GABRA2: variants seen among roughly 807,000 people sequenced by gnomAD.
GABRA2 encodes gamma-aminobutyric acid receptor subunit alpha-2.
Under a neutral mutation model 48.7 loss-of-function variants are expected in GABRA2, and 16 were observed. The observed-to-expected ratio is 0.33, with a 90% confidence interval of 0.22 to 0.50. The LOEUF is 0.50. GABRA2 is among the 20% of genes least tolerant of loss of function. GABRA2 has a pLI of 0.98. For synonymous variants in GABRA2, 185 were observed against 184.5 expected (o/e 1.00, Z -0.02); for missense variants, 275 against 535.6 (o/e 0.51, Z 4.80).
chr4:46,244,870 T>C lies in GABRA2; in HGVS notation c.*5438A>G, dbSNP rs2109353364. On this transcript the variant is annotated 3_prime_UTR_variant, in exon 10 of 10. Transcript: ENST00000381620. ...AAAACGGGTATTGCTTACTGTACAG[T>C]ACAGTTTTATTGTTGAGTGTTTGCT... Among the ~76,000 whole-genome samples the C allele has an allele frequency of 6.6e-6, 1 of 151,458 alleles. No homozygotes were observed. The highest frequency in any genetic ancestry group is 2.1e-4 in the South Asian group (1 of 4,826).
intron 4 of GABRA2, among the ~76,000 whole-genome samples, chr4:46,324,338 T>A (rs1376887289): frequency 6.6e-6 from 1 of 151,960 alleles, no homozygotes; most frequent in Non-Finnish European, 1.5e-5. Flanking sequence ...CTGAGACTTT[T>A]GATGTCTGTC....
chr4:46,317,744 G>T (rs279852), intron 4 of GABRA2, among the ~76,000 whole-genome samples: 56,666 of 150,672 alleles, frequency 0.38, 11,360 homozygotes, highest in East Asian at 0.52. Context: ...CCCTACATGA[G>T]CCAGGTAAAA....
At chr4:46,320,801 A>T (rs1729322351) in intron 4 of GABRA2, among the ~76,000 whole-genome samples, 1 of 151,884 alleles carries the variant, frequency 6.6e-6, no homozygotes, top group Admixed American at 6.6e-5. Flanking sequence ...GTTGGTGGGG[A>T]TGTAAATTGG....
intron 4 of GABRA2, among the ~76,000 whole-genome samples, chr4:46,313,780 A>C (rs533239932): frequency 6.6e-6 from 1 of 152,172 alleles, no homozygotes; most frequent in African/African-American, 2.4e-5. Flanking sequence ...TGAAATTCAG[A>C]AACTGTCCTT....
intron 3 of GABRA2, among the ~76,000 whole-genome samples, chr4:46,335,068 A>G (rs1280677106): frequency 2.6e-5 from 4 of 152,146 alleles, no homozygotes; most frequent in Non-Finnish European, 5.9e-5. Context: ...ATCTAACACA[A>G]TCTTCTAGAA....
intron 7 of GABRA2, among the ~76,000 whole-genome samples, chr4:46,304,009 A>G (rs953625453): frequency 6.6e-6 from 1 of 152,138 alleles, no homozygotes; most frequent in Non-Finnish European, 1.5e-5. Flanking sequence ...TCAGCACTCA[A>G]AAAGGTTTTT....
At chr4:46,272,727 G>A (rs904939256) in intron 8 of GABRA2, among the ~76,000 whole-genome samples, 7 of 151,854 alleles carry the variant, frequency 4.6e-5, no homozygotes. Flanking sequence ...CCAGGAACAT[G>A]GTGAAGCCCA....
chr4:46,270,607 A>G (rs1178997957), intron 8 of GABRA2, among the ~76,000 whole-genome samples: 1 of 152,014 alleles, frequency 6.6e-6, no homozygotes, highest in Admixed American at 6.6e-5. Flanking sequence ...AAAGGTAAGT[A>G]CTTTAAAGTG....
intron 3 of GABRA2, among the ~76,000 whole-genome samples, chr4:46,363,301 A>G (rs1465176967): frequency 2.0e-5 from 3 of 152,206 alleles, no homozygotes; most frequent in Admixed American, 6.5e-5. Context: ...GCATTAACGG[A>G]TAGAACTAGG....
chr4:46,252,833 A>C (rs926617553), intron 9 of GABRA2, among the ~76,000 whole-genome samples: 7 of 151,466 alleles, frequency 4.6e-5, no homozygotes, highest in Admixed American at 6.6e-5. Context: ...AATTTCCTTA[A>C]TGTTTTTCTT....
At chr4:46,301,165 A>T (rs931980937) in intron 8 of GABRA2, among the ~76,000 whole-genome samples, 1 of 152,140 alleles carries the variant, frequency 6.6e-6, no homozygotes. Flanking sequence ...ATAATAATAA[A>T]GAAGGTGGGA....
intron 3 of GABRA2, among the ~76,000 whole-genome samples, chr4:46,345,650 T>C (rs1343505012): frequency 4.6e-5 from 7 of 151,868 alleles, no homozygotes; most frequent in East Asian, 1.9e-4. Context: ...ATACCTTGCA[T>C]TGACGTTCTT....
chr4:46,296,575 G>A (rs1445730213), intron 8 of GABRA2, among the ~76,000 whole-genome samples: 1 of 147,756 alleles, frequency 6.8e-6, no homozygotes, highest in Non-Finnish European at 1.5e-5. Flanking sequence ...TAAGGTCAAT[G>A]GGAAATTATA....
At chr4:46,307,599 C>A (rs1466820296) in intron 6 of GABRA2, among the ~76,000 whole-genome samples, 1 of 152,030 alleles carries the variant, frequency 6.6e-6, no homozygotes, top group Non-Finnish European at 1.5e-5. Flanking sequence ...GCCTGTACTT[C>A]CAGGACCTGC....
At chr4:46,279,925 T>C (rs1238451687) in intron 8 of GABRA2, among the ~76,000 whole-genome samples, 3 of 152,106 alleles carry the variant, frequency 2.0e-5, no homozygotes, top group Admixed American at 6.5e-5. Context: ...AAGTAGTACT[T>C]ATAGATTGTA....
chr4:46,327,766 T>C (rs1730637481), intron 4 of GABRA2, among the ~76,000 whole-genome samples: 1 of 151,976 alleles, frequency 6.6e-6, no homozygotes, highest in South Asian at 2.1e-4. Flanking sequence ...ACTGGAGAAA[T>C]CAACATAATC....
intron 3 of GABRA2, among the ~76,000 whole-genome samples, chr4:46,341,408 T>A (rs1733204456): frequency 6.6e-6 from 1 of 152,068 alleles, no homozygotes; most frequent in African/African-American, 2.4e-5. Context: ...TACGTGTGCA[T>A]GTGCATGTGT....
chr4:46,312,457 T>G, intron 5 of GABRA2, 39 bp downstream of exon 5: 1 of 1,365,266 alleles, frequency 7.3e-7, no homozygotes. Flanking sequence ...TGAAAATTTC[T>G]CAGTATATAA....
chr4:46,360,997 A>T (rs988974207), intron 3 of GABRA2, among the ~76,000 whole-genome samples: 2 of 152,228 alleles, frequency 1.3e-5, no homozygotes, highest in African/African-American at 4.8e-5. Context: ...CAAATTCAAG[A>T]TGTGACTTGG....
Sources: gnomAD v4.1 joint callset for allele counts (sites outside exome capture counted in the v4.1 genomes callset) on GRCh38, gnomAD v4.1.1 for gene constraint, MANE v1.5 for transcripts, NCBI Gene and HGNC (gene_info 2026-07-23, HGNC 2026-07-21) for gene names.